ZAN: variants seen among roughly 807,000 people sequenced by gnomAD.
ZAN encodes the protein zonadhesin (gene/pseudogene).
ZAN carries 260 observed loss-of-function variants against 286.2 expected under a neutral mutation model. The observed-to-expected ratio is 0.91, with a 90% CI of 0.82 to 1.01. The LOEUF is 1.01. ZAN is among the 50% of genes least tolerant of loss of function. ZAN has a pLI of 0.00. For synonymous variants in ZAN, 1,368 were observed against 1,417.5 expected, an observed-to-expected ratio of 0.97 and a Z score of 0.79; for missense variants, 3,410 against 3,639.2, an observed-to-expected ratio of 0.94 and a Z score of 1.62.
At chr7:100,767,762 G>A (rs1810092362) in intron 25 of ZAN, 69 bp from the exon 26 acceptor site, 2 of 1,518,618 alleles carry the variant, frequency 1.3e-6, no homozygotes, top group Admixed American at 2.0e-5. Flanking sequence ...GCAGGCATGA[G>A]CCCCCGTCCT....
intron 14 of ZAN, among the ~76,000 whole-genome samples, chr7:100,754,839 G>A (rs915654813): frequency 2.6e-5 from 4 of 151,878 alleles, no homozygotes; most frequent in African/African-American, 7.2e-5. Flanking sequence ...CTAGGGTTTC[G>A]CCCTGTTAGC....
chr7:100,735,959 C>T (rs1307988762), intron 3 of ZAN, among the ~76,000 whole-genome samples, 187 bp downstream of exon 3: 1 of 140,992 alleles, frequency 7.1e-6, no homozygotes, highest in African/African-American at 2.6e-5. Flanking sequence ...TTCATGACCC[C>T]GGACCTTGTC....
At chr7:100,766,860 C>A (rs1810009168) in intron 24 of ZAN, 150 bp from the exon 25 acceptor site, 5 of 1,476,394 alleles carry the variant, frequency 3.4e-6, no homozygotes, top group Non-Finnish European at 4.5e-6. Context: ...CAGCTCCAAG[C>A]CAAGCCAACC....
At chr7:100,773,592 AG>A in intron 30 of ZAN, 99 bp downstream of exon 30, 1 of 1,548,124 alleles carries the variant, frequency 6.5e-7, no homozygotes, top group East Asian at 2.3e-5. Context: ...AGAACCTGGG[AG>A]GGGCAGGGCT....
chr7:100,737,199 A>G, intron 5 of ZAN, 63 bp from the exon 6 acceptor site: 1 of 1,415,816 alleles, frequency 7.1e-7, no homozygotes, highest in Non-Finnish European at 9.6e-7. Flanking sequence ...CAGGAAGAAA[A>G]CTAGGAGCCA....
At chr7:100,738,927 C>T (rs182191698) in intron 7 of ZAN, among the ~76,000 whole-genome samples, 98 of 2,122 alleles carry the variant, frequency 0.046, 15 homozygotes, top group South Asian at 0.36. Flanking sequence ...CTCCCTCTCC[C>T]TCTCCCTCTC....
At chr7:100,758,393 A>G (rs1359345981) in intron 16 of ZAN, 50 bp downstream of exon 16, 3 of 1,598,042 alleles carry the variant, frequency 1.9e-6, no homozygotes, top group East Asian at 2.2e-5. Flanking sequence ...GTTGGAGTAG[A>G]CGTGACGCCA....
intron 45 of ZAN, among the ~76,000 whole-genome samples, chr7:100,797,148 T>A (rs559585519): frequency 6.6e-6 from 1 of 151,950 alleles, no homozygotes; most frequent in East Asian, 1.9e-4. Context: ...TAAAAAGGCT[T>A]ATGGCAAACA....
At position 100,758,556 on chromosome 7, in the gene ZAN, C is replaced by CG; in HGVS notation, c.3479dup (p.Asp1161ArgfsTer8). On this transcript the variant is annotated frameshift_variant, in exon 17 of 48. Transcript: ENST00000613979. LOFTEE classifies it high-confidence loss of function. ...CAGGCACTGCCACCTGCTTGGTCTA[C>CG]GGAGACCCTCATTATGTCACCTTTG... The CG allele has an allele frequency of 6.4e-7, 1 of 1,563,300 alleles. No homozygotes were observed.
rs1809749792 is a variant in ZAN at position 100,763,800 on chromosome 7, T to C, written c.3987-6T>C. On this transcript the variant is annotated splice_region_variant and splice_polypyrimidine_tract_variant and intron_variant, in intron 20 of 47. Transcript: ENST00000613979. This position sits in a 1 kb window ranked among gnomAD's most constrained non-coding sequence, Gnocchi z 4.6. ...CTTTAGGGAGTTTGGGGTGGGTCTCTTGCAGGTGTCAGAAGTACCAGGTGG... is the reference window on the plus strand; with the variant it reads ...CTTTAGGGAGTTTGGGGTGGGTCTCCTGCAGGTGTCAGAAGTACCAGGTGG... 6.2e-7 allele frequency: 1 copy of C among 1,613,658 alleles called. No individual in the cohort carries two copies. The highest frequency in any genetic ancestry group is 1.3e-5 in the African/African-American group (1 of 74,936).
At chr7:100,772,866 TTTTG>T (rs1184612840) in intron 29 of ZAN, among the ~76,000 whole-genome samples, 2 of 150,506 alleles carry the variant, frequency 1.3e-5, no homozygotes, top group East Asian at 3.9e-4. Context: ...TCTGTTTTTT[TTTTG>T]TTTGTTTTTT....
intron 11 of ZAN, 121 bp from the exon 12 acceptor site, chr7:100,750,504 A>G: frequency 8.2e-7 from 1 of 1,222,514 alleles, no homozygotes; most frequent in Admixed American, 2.5e-5. Context: ...AAATAATGCT[A>G]CGACCTGGGA....
chr7:100,777,768 T>G (rs1810918293), intron 34 of ZAN, among the ~76,000 whole-genome samples: 1 of 151,820 alleles, frequency 6.6e-6, no homozygotes, highest in Admixed American at 6.6e-5. Context: ...TTTTTAAATT[T>G]TTTGTAGAGA....
In ZAN at chr7:100,792,031, C is replaced by T. The variant is rs1434333141; in HGVS notation, c.7595C>T (p.Ser2532Phe). ...ELGLRTGLQV[S>F]ECSPEQLASN... Reference sequence around the variant, plus strand: ...GGCCTCCGCACGGGCCTCCAAGTGTCCGAATGTAGCCCGGAGCAGCTGGCG... The same window carrying T: ...GGCCTCCGCACGGGCCTCCAAGTGTTCGAATGTAGCCCGGAGCAGCTGGCG... The change falls in exon 41 of 48, where the codon TCC becomes TTC. Residue 2532 changes from serine to phenylalanine, a missense_variant. Transcript: ENST00000613979. 1.2e-6 allele frequency: 2 copies of T among 1,613,322 alleles called. No homozygotes were observed. Among genetic ancestry groups the T allele is most frequent in the Non-Finnish European group, 1.7e-6 (2 of 1,179,786 alleles).
At chr7:100,755,688 C>T (rs1809098624) in intron 15 of ZAN, among the ~76,000 whole-genome samples, 1 of 152,102 alleles carries the variant, frequency 6.6e-6, no homozygotes, top group Non-Finnish European at 1.5e-5. Flanking sequence ...CCTCCCACCT[C>T]AGCCTCCCAA....
intron 37 of ZAN, 70 bp from the exon 38 acceptor site, chr7:100,787,819 C>T: frequency 7.3e-7 from 1 of 1,377,464 alleles, no homozygotes; most frequent in African/African-American, 1.5e-5. Flanking sequence ...GCCTTGGCCT[C>T]CCAAAGTCCT....
intron 23 of ZAN, 119 bp downstream of exon 23, chr7:100,765,673 G>A (rs1194894544): frequency 5.4e-6 from 7 of 1,301,090 alleles, no homozygotes; most frequent in East Asian, 2.5e-5. Context: ...TTTTTGAGAC[G>A]GAGTTTTGCT....
intron 39 of ZAN, among the ~76,000 whole-genome samples, 199 bp from the exon 40 acceptor site, chr7:100,790,743 C>T (rs1229251938): frequency 6.7e-6 from 1 of 150,120 alleles, no homozygotes. Flanking sequence ...ATTAGCCAGG[C>T]ATGGTGGTGT....
intron 8 of ZAN, 88 bp downstream of exon 8, chr7:100,746,790 G>T: frequency 7.0e-7 from 1 of 1,432,690 alleles, no homozygotes. Flanking sequence ...CATCCCTCAG[G>T]GTCTAGGGAG....
Sources: allele counts gnomAD v4.1 joint callset (sites outside exome capture counted in the v4.1 genomes callset), GRCh38; gene constraint gnomAD v4.1.1; non-coding constraint Gnocchi (gnomAD v3.1); transcripts MANE v1.5; gene names NCBI Gene and HGNC (gene_info 2026-07-23, HGNC 2026-07-21).